UBXN2A: variants seen among roughly 807,000 people sequenced by gnomAD.
UBXN2A encodes UBX domain protein 2A.
In UBXN2A, 28 loss-of-function variants were observed where a neutral mutation model predicts 28.4. The observed-to-expected ratio is 0.99, with a 90% confidence interval of 0.73 to 1.35. The LOEUF (loss-of-function observed/expected upper bound fraction) is 1.35, where lower values mean the gene tolerates loss of function less well. UBXN2A is among the 40% of genes most tolerant of loss of function. The pLI is 0.00. For missense variants in UBXN2A, 253 were observed against 297.9 expected, an observed-to-expected ratio of 0.85 and a Z score of 1.11; for synonymous variants, 97 against 103.6, an observed-to-expected ratio of 0.94 and a Z score of 0.39.
At position 23,966,615 on chromosome 2, in the gene UBXN2A, G is replaced by A. The variant is rs538705542; in HGVS notation, c.42-4661G>A. Among the ~76,000 whole-genome samples the A allele has an allele frequency of 2.2e-3, 330 of 148,654 alleles. 2 individuals are homozygous for A. Among genetic ancestry groups the A allele is most frequent in the African/African-American group, 7.9e-3 (321 of 40,408 alleles). ...CTACAGGCGCCCGCCACCACACCTGGCTAATTTTTGTATTTTTAGTAGAGA... is the reference window on the plus strand; with the variant it reads ...CTACAGGCGCCCGCCACCACACCTGACTAATTTTTGTATTTTTAGTAGAGA... On this transcript the variant is annotated intron_variant, in intron 2 of 6. Coordinates refer to ENST00000309033, the MANE Select transcript of UBXN2A (RefSeq NM_181713.4).
intron 6 of UBXN2A, among the ~76,000 whole-genome samples, chr2:23,993,952 G>A (rs565624158): frequency 6.6e-6 from 1 of 152,166 alleles, no homozygotes; most frequent in African/African-American, 2.4e-5. Flanking sequence ...CCAAAGTGCT[G>A]GGATTACAGG....
intron 1 of UBXN2A, among the ~76,000 whole-genome samples, chr2:23,943,550 C>G (rs887832339): frequency 3.9e-5 from 6 of 151,994 alleles, no homozygotes; most frequent in Non-Finnish European, 7.4e-5. Flanking sequence ...TGCAATGACC[C>G]AATCTTGGCT....
At position 23,958,361 on chromosome 2, in the gene UBXN2A, T is replaced by G; in HGVS notation, c.41+6T>G. The G allele has an allele frequency of 6.2e-7, 1 of 1,603,290 alleles. No homozygotes were observed. Reference sequence around the variant, plus strand: ...AAAAGTATAAAAGAAGAATGGTAAGTTAATTCAAACTGAATTGCTTTGTTA... The same window carrying G: ...AAAAGTATAAAAGAAGAATGGTAAGGTAATTCAAACTGAATTGCTTTGTTA... On this transcript the variant is annotated splice_donor_region_variant and intron_variant, in intron 2 of 6. Coordinates refer to ENST00000309033, the MANE Select transcript of UBXN2A (RefSeq NM_181713.4).
Position 23,985,030 on chromosome 2 carries a change from T to C in UBXN2A, c.584+199T>C, listed in dbSNP as rs557791028. ...AATCCTCCCACCTCAGCCTCCTGAG[T>C]TGTAGAACTACAGCCACATGCCACC... On this transcript the variant is annotated intron_variant, in intron 6 of 6. Coordinates refer to ENST00000309033, the MANE Select transcript of UBXN2A (RefSeq NM_181713.4). Among the ~76,000 whole-genome samples the C allele has an allele frequency of 4.3e-3, 657 of 152,214 alleles. 3 individuals are homozygous for C. Among genetic ancestry groups the C allele is most frequent in the Non-Finnish European group, 6.9e-3 (469 of 67,998 alleles).
At chr2:23,949,440 A>G (rs1048661313) in intron 1 of UBXN2A, among the ~76,000 whole-genome samples, 2 of 151,624 alleles carry the variant, frequency 1.3e-5, no homozygotes, top group African/African-American at 4.8e-5. Context: ...GCGTGGTGGC[A>G]CATGCCTGTA....
intron 5 of UBXN2A, 56 bp downstream of exon 5, chr2:23,983,089 C>T (rs1335754674): frequency 6.9e-7 from 1 of 1,458,556 alleles, no homozygotes; most frequent in Non-Finnish European, 9.1e-7. Context: ...AATATTCTGT[C>T]TATCAGTATT....
At chr2:23,954,098 C>T (rs1400595402) in intron 1 of UBXN2A, among the ~76,000 whole-genome samples, 4 of 152,024 alleles carry the variant, frequency 2.6e-5, no homozygotes, top group Admixed American at 6.6e-5. Flanking sequence ...CTGCAACCTC[C>T]GCCTCCCGGG....
chr2:23,974,674 CTT>C (rs1707579693), intron 3 of UBXN2A, among the ~76,000 whole-genome samples: 1 of 152,170 alleles, frequency 6.6e-6, no homozygotes, highest in African/African-American at 2.4e-5. Flanking sequence ...GAAAATAAGA[CTT>C]TTAGAAAATT....
At chr2:23,966,899 A>G (rs983123586) in intron 2 of UBXN2A, among the ~76,000 whole-genome samples, 1 of 151,692 alleles carries the variant, frequency 6.6e-6, no homozygotes, top group African/African-American at 2.4e-5. Flanking sequence ...CTGGGGCTAC[A>G]GGTGTGCACC....
At chr2:23,950,448 C>T (rs1706308781) in intron 1 of UBXN2A, among the ~76,000 whole-genome samples, 1 of 151,978 alleles carries the variant, frequency 6.6e-6, no homozygotes, top group Non-Finnish European at 1.5e-5. Flanking sequence ...CTGTTGTCCA[C>T]GCTGGAGTGC....
chr2:23,957,495 G>A (rs192777371), intron 1 of UBXN2A, among the ~76,000 whole-genome samples: 184 of 152,024 alleles, frequency 1.2e-3, no homozygotes, highest in African/African-American at 4.3e-3. Context: ...GAAGAGACAG[G>A]GTTTCACCAT....
chr2:23,932,344 AG>A (rs1432657033), intron 1 of UBXN2A, among the ~76,000 whole-genome samples: 2 of 151,708 alleles, frequency 1.3e-5, no homozygotes, highest in South Asian at 2.1e-4. Flanking sequence ...AAAAAAAAAA[AG>A]AAATGCAAAA....
intron 4 of UBXN2A, among the ~76,000 whole-genome samples, chr2:23,977,786 T>C (rs570905511): frequency 6.6e-6 from 1 of 152,184 alleles, no homozygotes; most frequent in Non-Finnish European, 1.5e-5. Flanking sequence ...TTTTCTTTTG[T>C]ACATTCACAT....
chr2:23,978,770 T>C (rs993023105), intron 4 of UBXN2A, among the ~76,000 whole-genome samples: 1 of 151,998 alleles, frequency 6.6e-6, no homozygotes, highest in Non-Finnish European at 1.5e-5. Context: ...AAGACCAGCC[T>C]GGCCAACATA....
chr2:23,983,197 T>C (rs1206889677), intron 5 of UBXN2A, among the ~76,000 whole-genome samples, 164 bp downstream of exon 5: 1 of 152,200 alleles, frequency 6.6e-6, no homozygotes, highest in Non-Finnish European at 1.5e-5. Context: ...TAAGTCATAG[T>C]TACCTAAGTA....
intron 1 of UBXN2A, chr2:23,944,393 A>G: frequency 1.5e-6 from 2 of 1,325,332 alleles, no homozygotes; most frequent in South Asian, 1.2e-5. Flanking sequence ...ACATTATTGT[A>G]TTCACCCATC....
chr2:23,984,912 AT>A, intron 6 of UBXN2A, 81 bp downstream of exon 6: 1 of 1,423,920 alleles, frequency 7.0e-7, no homozygotes, highest in Non-Finnish European at 9.4e-7. Context: ...TCAACAGTTT[AT>A]TTTTTAGAGA....
In UBXN2A at chr2:24,004,115, TC is replaced by T. The variant is rs1708761744; in HGVS notation, c.*4250del. 3 of 152,228 alleles carry T rather than the reference TC, an allele frequency of 2.0e-5. No individual in the cohort carries two copies. The highest frequency in any genetic ancestry group is 2.0e-4 in the Admixed American group (3 of 15,278). The allele number at this position is 152,228 out of a possible 1,614,324, so 9.4% of individuals were successfully genotyped here. A position where few individuals can be genotyped will look rare whatever the true frequency, so the allele number is the denominator to read the frequency against. On this transcript the variant is annotated 3_prime_UTR_variant, in exon 7 of 7. Coordinates refer to ENST00000309033, the MANE Select transcript of UBXN2A (RefSeq NM_181713.4). ...GAAACGTTCATTAATGCGAATAATATCCTCAAAGATTTTCTACAATGAGAAT... is the reference window on the plus strand; with the variant it reads ...GAAACGTTCATTAATGCGAATAATATCTCAAAGATTTTCTACAATGAGAAT...
intron 3 of UBXN2A, among the ~76,000 whole-genome samples, chr2:23,973,639 C>CT (rs548688766): frequency 0.16 from 22,151 of 141,538 alleles, 1,894 homozygotes; most frequent in Middle Eastern, 0.3. Flanking sequence ...TGTGTCCAGC[C>CT]TTTTTTTTTT....
Sources: allele counts gnomAD v4.1 joint callset (sites outside exome capture counted in the v4.1 genomes callset), GRCh38; gene constraint gnomAD v4.1.1; transcripts MANE v1.5; gene names NCBI Gene and HGNC (gene_info 2026-07-23, HGNC 2026-07-21).